Variants in ZNF654 observed in about 807,000 individuals in gnomAD.
ZNF654 encodes the protein melanoma-associated antigen.
Under a neutral mutation model 95.3 loss-of-function variants are expected in ZNF654, and 19 were observed. That is an observed-to-expected ratio of 0.20 (90% CI 0.14 to 0.29). The LOEUF (loss-of-function observed/expected upper bound fraction) is 0.29. ZNF654 is among the 10% of genes least tolerant of loss of function. ZNF654 has a pLI of 1.00. For synonymous variants in ZNF654, 413 were observed against 457.9 expected, an observed-to-expected ratio of 0.90 and a Z score of 1.25; for missense variants, 1,046 against 1,341.0, an observed-to-expected ratio of 0.78 and a Z score of 3.44.
At chr3:88,102,536 A>C (rs1704486206) in intron 2 of ZNF654, among the ~76,000 whole-genome samples, 1 of 152,158 alleles carries the variant, frequency 6.6e-6, no homozygotes, top group Admixed American at 6.5e-5. Context: ...TTCTTTACTT[A>C]ACATGGTTAA....
In ZNF654 at chr3:88,141,645, G is replaced by A. The variant is rs113885090; in HGVS notation, c.3380G>A (p.Ser1127Asn). The change falls in exon 9 of 9, where the codon AGT (serine) becomes AAT (asparagine). Residue 1127 changes from serine to asparagine, a missense_variant and splice_region_variant. Around this residue, in one of 9 missense-constraint regions of ZNF654, gnomAD observed 59 missense variants for 73.0 expected, o/e 0.81. Coordinates refer to ENST00000636215, the MANE Select transcript of ZNF654 (RefSeq NM_001350134.2). ...TTAACAGATGTGTTCTGTTTTACAG[G>A]TGCCTGATGAAAACGGTTCAGAAAG... ...TLFGFDSDDESA is the reference protein window; with the variant it reads ...TLFGFDSDDENA 2.7e-3 allele frequency: 4,006 copies of A among 1,508,210 alleles called. 78 individuals carry two copies. In the African/African-American group the frequency reaches 0.045, roughly 17 times the overall value. The allele number at this position is 1,508,210 out of a possible 1,614,324, so 93.4% of individuals were successfully genotyped here. A position where few individuals can be genotyped will look rare whatever the true frequency, so the allele number is the denominator to read the frequency against.
chr3:88,063,540 CTTA>C (rs1707009241), intron 1 of ZNF654, among the ~76,000 whole-genome samples: 1 of 152,098 alleles, frequency 6.6e-6, no homozygotes, highest in Non-Finnish European at 1.5e-5. Flanking sequence ...TTACATAATA[CTTA>C]TTATAGCTCT....
intron 1 of ZNF654, among the ~76,000 whole-genome samples, chr3:88,068,991 C>T (rs1192396954): frequency 6.6e-6 from 1 of 152,062 alleles, no homozygotes; most frequent in Non-Finnish European, 1.5e-5. Flanking sequence ...CTGTAGCTTA[C>T]TAAAGCAGTT....
chr3:88,113,415 C>T (rs1705209514), intron 3 of ZNF654, among the ~76,000 whole-genome samples: 1 of 152,106 alleles, frequency 6.6e-6, no homozygotes, highest in Admixed American at 6.6e-5. Context: ...TCCTATTCTA[C>T]ATTTGTTAGA....
intron 1 of ZNF654, among the ~76,000 whole-genome samples, chr3:88,080,724 A>C (rs1356802621): frequency 6.6e-6 from 1 of 152,214 alleles, no homozygotes; most frequent in Admixed American, 6.5e-5. Flanking sequence ...ATAAAGTAGA[A>C]AAAGTAAATG....
At chr3:88,106,514 T>G (rs1704747030) in intron 2 of ZNF654, among the ~76,000 whole-genome samples, 1 of 152,070 alleles carries the variant, frequency 6.6e-6, no homozygotes, top group Non-Finnish European at 1.5e-5. Context: ...ATTGTTTGTA[T>G]TTTTTGTAGA....
At chr3:88,065,871 C>T (rs1453892722) in intron 1 of ZNF654, among the ~76,000 whole-genome samples, 1 of 152,066 alleles carries the variant, frequency 6.6e-6, no homozygotes, top group African/African-American at 2.4e-5. Context: ...GTAGCTGGGA[C>T]TTCAGGTGTG....
At chr3:88,099,209 C>G (rs1184663922) in intron 2 of ZNF654, among the ~76,000 whole-genome samples, 1 of 152,170 alleles carries the variant, frequency 6.6e-6, no homozygotes, top group African/African-American at 2.4e-5. Flanking sequence ...AGAGCCAAAT[C>G]ATGAGTGAAC....
chr3:88,138,406 A>G (rs55744603), intron 7 of ZNF654, among the ~76,000 whole-genome samples: 22,437 of 151,702 alleles, frequency 0.15, 1,722 homozygotes, highest in African/African-American at 0.17. Context: ...CTTAATCACC[A>G]TAAGTTTATG....
intron 2 of ZNF654, among the ~76,000 whole-genome samples, chr3:88,090,740 C>T (rs1225371336): frequency 5.3e-5 from 8 of 152,124 alleles, no homozygotes; most frequent in Admixed American, 5.2e-4. Flanking sequence ...TACACATAAA[C>T]AGCTTTTATC....
intron 1 of ZNF654, among the ~76,000 whole-genome samples, chr3:88,082,079 C>T (rs373970643): frequency 2.0e-4 from 30 of 151,964 alleles, no homozygotes; most frequent in African/African-American, 6.3e-4. Flanking sequence ...CATTCTTTGA[C>T]GCCCCTAAAA....
chr3:88,112,599 C>G (rs1705158951), intron 2 of ZNF654, among the ~76,000 whole-genome samples: 1 of 151,944 alleles, frequency 6.6e-6, no homozygotes, highest in South Asian at 2.1e-4. Context: ...AACCATGTGT[C>G]ATTTATTAGA....
chr3:88,061,353 T>C (rs113174250), intron 1 of ZNF654, among the ~76,000 whole-genome samples: 63 of 152,296 alleles, frequency 4.1e-4, no homozygotes, highest in Middle Eastern at 3.4e-3. Context: ...ACAAATGAAG[T>C]TGACTACTTT....
chr3:88,118,560 A>G (rs1183392053), intron 3 of ZNF654, among the ~76,000 whole-genome samples: 4 of 152,282 alleles, frequency 2.6e-5, no homozygotes, highest in East Asian at 1.9e-4. Context: ...ACTTTCCACT[A>G]AAACCTCAAA....
chr3:88,123,028 TAAAAAGAA>T (rs1296526414), intron 3 of ZNF654, among the ~76,000 whole-genome samples: 2 of 149,946 alleles, frequency 1.3e-5, no homozygotes, highest in African/African-American at 4.9e-5. Flanking sequence ...AAAAAAAAAG[TAAAAAGAA>T]AAAAAGAAAA....
intron 1 of ZNF654, among the ~76,000 whole-genome samples, chr3:88,083,272 A>T (rs1479770773): frequency 6.6e-6 from 1 of 152,240 alleles, no homozygotes; most frequent in African/African-American, 2.4e-5. Flanking sequence ...TTCCTAAATG[A>T]TTTAATGTAA....
At chr3:88,079,285 A>G (rs1707964115) in intron 1 of ZNF654, among the ~76,000 whole-genome samples, 1 of 152,094 alleles carries the variant, frequency 6.6e-6, no homozygotes, top group Non-Finnish European at 1.5e-5. Context: ...ATTTTGGAGC[A>G]CAAACAGATA....
At chr3:88,074,981 G>C (rs190465849) in intron 1 of ZNF654, among the ~76,000 whole-genome samples, 1 of 152,284 alleles carries the variant, frequency 6.6e-6, no homozygotes, top group East Asian at 1.9e-4. Flanking sequence ...GCCATATTTT[G>C]TGGAGGGTGC....
intron 7 of ZNF654, among the ~76,000 whole-genome samples, chr3:88,138,383 G>T (rs2107884380): frequency 6.6e-6 from 1 of 152,034 alleles, no homozygotes; most frequent in African/African-American, 2.4e-5. Flanking sequence ...ATAAATGGGG[G>T]TCTAGAAGAA....
Sources: allele counts gnomAD v4.1 joint callset (sites outside exome capture counted in the v4.1 genomes callset), GRCh38; gene constraint gnomAD v4.1.1; regional missense constraint gnomAD v4.1.1; transcripts MANE v1.5; gene names NCBI Gene and HGNC (gene_info 2026-07-23, HGNC 2026-07-21).